The following SPOCK3 variants were observed in gnomAD, a reference collection of about 807,000 sequenced individuals.
The protein encoded by SPOCK3 is testican-3.
Under a neutral mutation model 56.6 loss-of-function variants are expected in SPOCK3, and 30 were observed. The observed-to-expected ratio is 0.53, with a 90% CI of 0.40 to 0.72. SPOCK3 has a LOEUF of 0.72. Among genes scored for constraint, SPOCK3 ranks in the 30% least tolerant of loss-of-function variants. SPOCK3 has a pLI of 0.00. For missense variants in SPOCK3, 527 were observed against 530.0 expected (o/e 0.99, Z 0.06); for synonymous variants, 196 against 183.3 (o/e 1.07, Z -0.56).
At chr4:166,823,393 A>C (rs953119029) in intron 6 of SPOCK3, among the ~76,000 whole-genome samples, 1 of 152,026 alleles carries the variant, frequency 6.6e-6, no homozygotes, top group Non-Finnish European at 1.5e-5. Context: ...TGTATATTTT[A>C]TTGGACTGCT....
At chr4:166,737,643 T>G in intron 9 of SPOCK3, 39 bp from the exon 10 acceptor site, 1 of 1,575,844 alleles carries the variant, frequency 6.3e-7, no homozygotes, top group Non-Finnish European at 8.6e-7. Flanking sequence ...CACACACATG[T>G]AGTTTATGAA....
intron 3 of SPOCK3, among the ~76,000 whole-genome samples, chr4:167,026,777 A>C (rs1231547275): frequency 6.6e-6 from 1 of 151,912 alleles, no homozygotes; most frequent in Non-Finnish European, 1.5e-5. Context: ...TTTTAATCTG[A>C]AAATATATCG....
At chr4:167,208,198 G>A (rs1224777557) in intron 2 of SPOCK3, among the ~76,000 whole-genome samples, 2 of 151,824 alleles carry the variant, frequency 1.3e-5, no homozygotes, top group African/African-American at 2.4e-5. Flanking sequence ...CACCATTGCC[G>A]AAAAGTGGGA....
chr4:167,205,351 A>G lies in SPOCK3; in HGVS notation c.189+28634T>C, dbSNP rs1289133287. ...AATATATATTATATATTATATATAT[A>G]ATATATATATTATATATTTTATATA... On this transcript the variant is annotated intron_variant, in intron 2 of 10. Coordinates refer to ENST00000357545, the MANE Select transcript of SPOCK3 (RefSeq NM_001040159.2). Among the ~76,000 whole-genome samples, 40 of 31,866 alleles carry G rather than the reference A, an allele frequency of 1.3e-3. 1 individual carries two copies. Among genetic ancestry groups the G allele is most frequent in the Admixed American group, 5.2e-3 (7 of 1,348 alleles). The allele number at this position is 31,866 out of a possible 152,430, so 20.9% of individuals were successfully genotyped here. A position where few individuals can be genotyped will look rare whatever the true frequency, so the allele number is the denominator to read the frequency against.
At chr4:166,969,486 TTTAAATGTGTTTAACACTTTTAACACA>T (rs573308126) in intron 4 of SPOCK3, among the ~76,000 whole-genome samples, 14,985 of 147,058 alleles carry the variant, frequency 0.1, 1,603 homozygotes, top group African/African-American at 0.27. Context: ...GATCTAGTTG[TTTAAATGTGTTTAACACTTTTAACACA>T]TTAAATGTGT....
intron 3 of SPOCK3, among the ~76,000 whole-genome samples, chr4:167,003,841 G>A (rs1749192183): frequency 6.6e-6 from 1 of 152,104 alleles, no homozygotes; most frequent in Non-Finnish European, 1.5e-5. Context: ...TTAAACAACT[G>A]CCATATAATG....
chr4:167,229,173 CAGAG>C (rs1736887516), intron 2 of SPOCK3, among the ~76,000 whole-genome samples: 1 of 152,136 alleles, frequency 6.6e-6, no homozygotes, highest in Non-Finnish European at 1.5e-5. Context: ...CATTCTTAAA[CAGAG>C]AGAACAGTAG....
At chr4:166,985,328 G>A (rs969374550) in intron 4 of SPOCK3, among the ~76,000 whole-genome samples, 1 of 152,112 alleles carries the variant, frequency 6.6e-6, no homozygotes, top group Admixed American at 6.6e-5. Flanking sequence ...CCGTCCAAGT[G>A]AAGAGGCAAC....
At position 167,234,144 on chromosome 4, in the gene SPOCK3, C is replaced by G. The variant is rs757579279; in HGVS notation, c.30G>C (p.Val10=). ...ACTGACTGCACCAAGCGGCTGCACA[C>G]ACACACAGTACGGCTGACACCTTGA... MLKVSAVLC[V]CAAAWCSQSL... is the part of the protein sequence containing the mutation. The change falls in exon 2 of 11, where the codon GTG becomes GTC. Residue 10 remains valine, a synonymous_variant. Coordinates refer to ENST00000357545, the MANE Select transcript of SPOCK3 (RefSeq NM_001040159.2). 1 of 1,613,890 alleles carries G rather than the reference C, an allele frequency of 6.2e-7. No individual in the cohort carries two copies. Among genetic ancestry groups the G allele is most frequent in the South Asian group, 1.1e-5 (1 of 91,072 alleles).
At chr4:166,956,680 G>A (rs533437239) in intron 4 of SPOCK3, among the ~76,000 whole-genome samples, 1 of 152,034 alleles carries the variant, frequency 6.6e-6, no homozygotes, top group Non-Finnish European at 1.5e-5. Flanking sequence ...GGAGAGTACC[G>A]TATTACCAAA....
intron 2 of SPOCK3, chr4:167,083,140 G>T: frequency 1.3e-6 from 1 of 762,966 alleles, no homozygotes; most frequent in East Asian, 2.4e-5. Flanking sequence ...ACAGCTTTAT[G>T]GTTGCCCTAG....
At chr4:166,780,867 T>C (rs1249828188) in intron 7 of SPOCK3, among the ~76,000 whole-genome samples, 1 of 152,098 alleles carries the variant, frequency 6.6e-6, no homozygotes, top group African/African-American at 2.4e-5. Flanking sequence ...AGGGGGACCC[T>C]CTCTGAGGCT....
chr4:167,226,060 T>C (rs1215195282), intron 2 of SPOCK3, among the ~76,000 whole-genome samples: 2 of 152,196 alleles, frequency 1.3e-5, no homozygotes, highest in Non-Finnish European at 2.9e-5. Flanking sequence ...TAAATTCTGA[T>C]TCTTGCCCAC....
intron 8 of SPOCK3, 64 bp from the exon 9 acceptor site, chr4:166,742,123 T>A (rs529250766): frequency 8.2e-7 from 1 of 1,226,160 alleles, no homozygotes; most frequent in East Asian, 2.3e-5. Flanking sequence ...GTAATTTCTA[T>A]GTTATCAAAC....
At chr4:167,107,125 A>G (rs1391105095) in intron 2 of SPOCK3, among the ~76,000 whole-genome samples, 1 of 151,970 alleles carries the variant, frequency 6.6e-6, no homozygotes, top group Non-Finnish European at 1.5e-5. Context: ...AAATAGAGGG[A>G]AAAGGAATAC....
chr4:166,935,028 G>A (rs1740243124), intron 4 of SPOCK3, among the ~76,000 whole-genome samples: 2 of 152,270 alleles, frequency 1.3e-5, no homozygotes, highest in South Asian at 4.1e-4. Flanking sequence ...ACCTGTTAGA[G>A]GGATAGCAAG....
chr4:166,863,620 A>G (rs898467250), intron 6 of SPOCK3, among the ~76,000 whole-genome samples: 1 of 152,168 alleles, frequency 6.6e-6, no homozygotes, highest in African/African-American at 2.4e-5. Flanking sequence ...AAAGCAAAAA[A>G]AAAGCAGGGG....
chr4:167,061,769 T>C (rs1755631652), intron 3 of SPOCK3, among the ~76,000 whole-genome samples: 1 of 151,944 alleles, frequency 6.6e-6, no homozygotes, highest in Admixed American at 6.6e-5. Flanking sequence ...AAGAAGAAAT[T>C]TTTTTTCTAC....
intron 6 of SPOCK3, among the ~76,000 whole-genome samples, chr4:166,796,302 G>T (rs1283623130): frequency 6.6e-6 from 1 of 152,126 alleles, no homozygotes; most frequent in Non-Finnish European, 1.5e-5. Context: ...AATATGAGTT[G>T]TTAATTATGA....
Sources: allele counts gnomAD v4.1 joint callset (sites outside exome capture counted in the v4.1 genomes callset), GRCh38; gene constraint gnomAD v4.1.1; transcripts MANE v1.5; gene names NCBI Gene and HGNC (gene_info 2026-07-23, HGNC 2026-07-21).